Variants in DNAJC5 observed in about 807,000 individuals in gnomAD.
DNAJC5 encodes dnaJ homolog subfamily C member 5.
In DNAJC5, 1 loss-of-function variant was observed where a neutral mutation model predicts 23.2. The observed-to-expected ratio is 0.04, with a 90% CI of 0.02 to 0.20. DNAJC5 has a LOEUF of 0.20. Among genes scored for constraint, DNAJC5 ranks in the 10% least tolerant of loss-of-function variants. The pLI is 1.00. For synonymous variants in DNAJC5, 136 were observed against 120.0 expected, an observed-to-expected ratio of 1.13 and a Z score of -0.87; for missense variants, 180 against 267.0, an observed-to-expected ratio of 0.67 and a Z score of 2.27.
intron 1 of DNAJC5, among the ~76,000 whole-genome samples, chr20:63,925,914 G>A (rs558834884): frequency 4.8e-5 from 7 of 144,756 alleles, no homozygotes; most frequent in African/African-American, 1.5e-4. Flanking sequence ...TGCAAGCTCC[G>A]CCTTCCGGGT....
intron 1 of DNAJC5, among the ~76,000 whole-genome samples, chr20:63,910,785 G>A (rs1274911866): frequency 2.6e-5 from 4 of 151,244 alleles, no homozygotes; most frequent in Non-Finnish European, 4.4e-5. Context: ...CGATTCTCCT[G>A]CCTCAGCCTC....
intron 1 of DNAJC5, chr20:63,909,090 G>A (rs1238409293): frequency 6.6e-6 from 1 of 152,160 alleles, no homozygotes; most frequent in Non-Finnish European, 1.5e-5. Flanking sequence ...ATTTGTGGTA[G>A]TGGAGGGACT....
intron 1 of DNAJC5, among the ~76,000 whole-genome samples, chr20:63,900,713 T>A (rs1407473737): frequency 6.6e-6 from 1 of 152,238 alleles, no homozygotes; most frequent in African/African-American, 2.4e-5. Context: ...AAAAAACTTA[T>A]TTCTATGACA....
Position 63,929,227 on chromosome 20 carries a change from A to G in DNAJC5, c.108-85A>G. ...GGACCTGCCTTCCACTGCACCCGGC[A>G]GTGCGTGCGGGTGGGATGGACGCGG... On this transcript the variant is annotated intron_variant, in intron 2 of 4. Coordinates refer to ENST00000360864, the MANE Select transcript of DNAJC5 (RefSeq NM_025219.3). This position sits in a 1 kb window ranked among gnomAD's most constrained non-coding sequence, Gnocchi z 8.6. The G allele has an allele frequency of 6.8e-7, 1 of 1,463,478 alleles. No individual in the cohort carries two copies. 90.7% of individuals were successfully genotyped at this position (1,463,478 alleles called of 1,614,324 possible). A position where few individuals can be genotyped will look rare whatever the true frequency, so the allele number is the denominator to read the frequency against.
At chr20:63,912,760 A>G (rs1418936907) in intron 1 of DNAJC5, among the ~76,000 whole-genome samples, 1 of 152,174 alleles carries the variant, frequency 6.6e-6, no homozygotes, top group Non-Finnish European at 1.5e-5. Flanking sequence ...GGCGCCTGCC[A>G]CCACGTCCAG....
In DNAJC5 at chr20:63,931,703, C is replaced by A; in HGVS notation, c.*135C>A. The A allele has an allele frequency of 1.2e-6, 1 of 863,914 alleles. No homozygotes were observed. Among genetic ancestry groups the A allele is most frequent in the Non-Finnish European group, 1.9e-6 (1 of 534,364 alleles). 53.5% of individuals were successfully genotyped at this position (863,914 alleles called of 1,614,324 possible). On this transcript the variant is annotated 3_prime_UTR_variant, in exon 5 of 5. Coordinates refer to ENST00000360864, the MANE Select transcript of DNAJC5 (RefSeq NM_025219.3). The surrounding 1 kb of genome is among the most constrained non-coding windows in gnomAD (Gnocchi z 9.6). The stretch of plus-strand genomic sequence containing the variant: ...CTTGCTGGGGCCCCTCCTGCCTCCA[C>A]GCCCACCCAGCGTCGACCCTTGACC...
intron 1 of DNAJC5, among the ~76,000 whole-genome samples, chr20:63,924,418 A>G (rs144794770): frequency 1.3e-5 from 2 of 152,230 alleles, no homozygotes; most frequent in East Asian, 3.9e-4. Flanking sequence ...ACAAGGTCTC[A>G]CTGTGTCACC....
chr20:63,908,268 A>G (rs1433919276), intron 1 of DNAJC5, among the ~76,000 whole-genome samples: 1 of 152,200 alleles, frequency 6.6e-6, no homozygotes, highest in Non-Finnish European at 1.5e-5. Flanking sequence ...GAATTTCTCT[A>G]AGAGCAGTCC....
intron 1 of DNAJC5, among the ~76,000 whole-genome samples, chr20:63,925,260 C>T (rs1268698291): frequency 5.9e-5 from 9 of 152,104 alleles, no homozygotes; most frequent in African/African-American, 9.7e-5. Flanking sequence ...CTGAGGCAGA[C>T]GGATCACAAG....
intron 1 of DNAJC5, among the ~76,000 whole-genome samples, chr20:63,924,850 C>T (rs762857298): frequency 3.9e-5 from 6 of 152,236 alleles, no homozygotes; most frequent in Non-Finnish European, 8.8e-5. Flanking sequence ...CAGTGATGCC[C>T]CACCTGGGCC....
intron 1 of DNAJC5, among the ~76,000 whole-genome samples, chr20:63,900,279 A>G (rs577975893): frequency 6.6e-6 from 1 of 151,498 alleles, no homozygotes; most frequent in East Asian, 2.0e-4. Context: ...GGTTTGGGAC[A>G]TGTCTCTGAA....
chr20:63,904,746 T>C (rs955962719), intron 1 of DNAJC5, among the ~76,000 whole-genome samples: 1 of 152,232 alleles, frequency 6.6e-6, no homozygotes, highest in Non-Finnish European at 1.5e-5. Context: ...GCTTATCTTA[T>C]ATTTTTAAAA....
chr20:63,920,353 G>T lies in DNAJC5; in HGVS notation c.-11-7982G>T, dbSNP rs1364302742. Reference sequence around the variant, plus strand: ...GGAACAGGTAGTCCTGCGTCGGACCGGGAAGTGTGGTGGGTGTGGTGGGGG... The same window carrying T: ...GGAACAGGTAGTCCTGCGTCGGACCTGGAAGTGTGGTGGGTGTGGTGGGGG... On this transcript the variant is annotated intron_variant, in intron 1 of 4. Coordinates refer to ENST00000360864, the MANE Select transcript of DNAJC5 (RefSeq NM_025219.3). The surrounding 1 kb of genome is among the most constrained non-coding windows in gnomAD (Gnocchi z 4.6). Among the ~76,000 whole-genome samples the T allele has an allele frequency of 2.0e-5, 3 of 152,258 alleles. No individual in the cohort carries two copies. Among genetic ancestry groups the T allele is most frequent in the Non-Finnish European group, 4.4e-5 (3 of 68,050 alleles).
In DNAJC5 at chr20:63,931,300, CG is replaced by C. The variant is rs1237253125; in HGVS notation, c.494-163del. On this transcript the variant is annotated intron_variant, in intron 4 of 4. Transcript: ENST00000360864. The surrounding 1 kb of genome is among the most constrained non-coding windows in gnomAD (Gnocchi z 9.6). ...GGCGGGGCTGAGGGCCGAGGGCTGG[CG>C]GTGACCCAAGGCGACGGAGGAAAGC... 3.7e-6 allele frequency: 3 copies of C among 817,604 alleles called. No homozygotes were observed. Among genetic ancestry groups the C allele is most frequent in the Non-Finnish European group, 6.0e-6 (3 of 497,916 alleles). The allele number at this position is 817,604 out of a possible 1,614,324, so 50.6% of individuals were successfully genotyped here. A position where few individuals can be genotyped will look rare whatever the true frequency, so the allele number is the denominator to read the frequency against.
chr20:63,904,540 T>TA (rs749341726), intron 1 of DNAJC5, among the ~76,000 whole-genome samples: 21 of 152,156 alleles, frequency 1.4e-4, no homozygotes, highest in Non-Finnish European at 2.6e-4. Flanking sequence ...AGCTGCCTCT[T>TA]AGTGTGTCTG....
chr20:63,931,347 G>A lies in DNAJC5; in HGVS notation c.494-118G>A, dbSNP rs1414020391. 6 of 1,028,374 alleles carry A rather than the reference G, an allele frequency of 5.8e-6. No homozygotes were observed. The highest frequency in any genetic ancestry group is 4.1e-5 in the South Asian group (3 of 73,526). The allele number at this position is 1,028,374 out of a possible 1,614,324, so 63.7% of individuals were successfully genotyped here. On this transcript the variant is annotated intron_variant, in intron 4 of 4. Coordinates refer to ENST00000360864, the MANE Select transcript of DNAJC5 (RefSeq NM_025219.3). This position sits in a 1 kb window ranked among gnomAD's most constrained non-coding sequence, Gnocchi z 9.6. ...AAAGCCGTGTGGGGTGGAGGTCAGC[G>A]AGTAGCCTCTCCCGGTGGAGAGTTT...
chr20:63,905,205 T>G (rs937114765), intron 1 of DNAJC5, among the ~76,000 whole-genome samples: 1 of 150,984 alleles, frequency 6.6e-6, no homozygotes, highest in African/African-American at 2.4e-5. Flanking sequence ...AACCTCTGCT[T>G]CCCGGGTTCA....
intron 1 of DNAJC5, among the ~76,000 whole-genome samples, chr20:63,914,056 C>T (rs115572615): frequency 6.6e-5 from 10 of 152,208 alleles, no homozygotes; most frequent in African/African-American, 2.4e-4. Context: ...GGGGAGAGAG[C>T]GAGGCAGTAG....
At chr20:63,899,522 T>C (rs1271980862) in intron 1 of DNAJC5, among the ~76,000 whole-genome samples, 1 of 152,258 alleles carries the variant, frequency 6.6e-6, no homozygotes, top group Non-Finnish European at 1.5e-5. Flanking sequence ...TTTTAACTTG[T>C]ATGAGTTTTG....
Sources: gnomAD v4.1 joint callset for allele counts (sites outside exome capture counted in the v4.1 genomes callset) on GRCh38, gnomAD v4.1.1 for gene constraint, Gnocchi (gnomAD v3.1) non-coding constraint, MANE v1.5 for transcripts, NCBI Gene and HGNC (gene_info 2026-07-23, HGNC 2026-07-21) for gene names.